The following SPINT2 variants were observed in gnomAD, a reference collection of about 807,000 sequenced individuals.
The protein encoded by SPINT2 is serine peptidase inhibitor, Kunitz type 2.
In SPINT2, 18 loss-of-function variants were observed where a neutral mutation model predicts 30.1. The observed-to-expected ratio is 0.60, with a 90% CI of 0.41 to 0.89. The LOEUF (loss-of-function observed/expected upper bound fraction) is 0.89, where lower values mean the gene tolerates loss of function less well. Among genes scored for constraint, SPINT2 ranks in the 40% least tolerant of loss-of-function variants. The probability of loss-of-function intolerance (pLI) is 0.00; values close to 1 mark genes in which losing one functional copy is unlikely to be tolerated. For synonymous variants in SPINT2, 139 were observed against 137.9 expected (o/e 1.01, Z -0.05); for missense variants, 276 against 334.3 (o/e 0.83, Z 1.36).
intron 3 of SPINT2, 53 bp from the exon 4 acceptor site, chr19:38,289,085 G>GCCTGTGT: frequency 6.4e-7 from 1 of 1,562,192 alleles, no homozygotes. Flanking sequence ...ACCCAGCTAG[G>GCCTGTGT]CCTGTGTCCT....
chr19:38,291,415 C>T (rs778421526), intron 6 of SPINT2: 10 of 173,366 alleles, frequency 5.8e-5, no homozygotes, highest in Non-Finnish European at 1.1e-4. Flanking sequence ...TGCAGGGCCA[C>T]GTCTTTCTCT....
Position 38,276,704 on chromosome 19 carries a change from A to G in SPINT2, c.107-6923A>G, listed in dbSNP as rs1330090747. ...AAAAACATGAATGAAATAAGACACC[A>G]AGTTCAAGGTGGTAGGGGGTTAATT... On this transcript the variant is annotated intron_variant, in intron 1 of 6. Coordinates refer to ENST00000301244, the MANE Select transcript of SPINT2 (RefSeq NM_021102.4). Among the ~76,000 whole-genome samples, 5 of 152,270 alleles carry G rather than the reference A, an allele frequency of 3.3e-5. No individual in the cohort carries two copies. In the East Asian group the frequency reaches 7.7e-4, roughly 24 times the overall value.
chr19:38,290,589 T>A lies in SPINT2; in HGVS notation c.592+14T>A, dbSNP rs1968705437. 1.2e-5 allele frequency: 19 copies of A among 1,613,410 alleles called. No individual in the cohort carries two copies. The highest frequency in any genetic ancestry group is 1.5e-5 in the Non-Finnish European group (18 of 1,179,810). ...TTGGCTCAAAGGGTAAGTGGCCCCT[T>A]ACCCTCCTCCTGCCATCAGCCTGCC... On this transcript the variant is annotated intron_variant, in intron 6 of 6. Coordinates refer to ENST00000301244, the MANE Select transcript of SPINT2 (RefSeq NM_021102.4). The surrounding 1 kb of genome is among the most constrained non-coding windows in gnomAD (Gnocchi z 4.3).
Position 38,290,642 on chromosome 19 carries a change from C to G in SPINT2, c.592+67C>G. ...CTCCCTTCCTTGACTGAGCTCAGCCCTGCCCAGCTGTGGTTTACATTATCC... is the reference window on the plus strand; with the variant it reads ...CTCCCTTCCTTGACTGAGCTCAGCCGTGCCCAGCTGTGGTTTACATTATCC... On this transcript the variant is annotated intron_variant, in intron 6 of 6. Coordinates refer to ENST00000301244, the MANE Select transcript of SPINT2 (RefSeq NM_021102.4). This position sits in a 1 kb window ranked among gnomAD's most constrained non-coding sequence, Gnocchi z 4.3. 1.9e-6 allele frequency: 3 copies of G among 1,572,408 alleles called. No individual in the cohort carries two copies. The highest frequency in any genetic ancestry group is 2.6e-6 in the Non-Finnish European group (3 of 1,153,820).
At chr19:38,280,809 T>C (rs1968572887) in intron 1 of SPINT2, among the ~76,000 whole-genome samples, 1 of 152,150 alleles carries the variant, frequency 6.6e-6, no homozygotes, top group Non-Finnish European at 1.5e-5. Context: ...CCTCAGGTTA[T>C]TGGTTTTTGT....
chr19:38,280,830 A>C (rs1425947715), intron 1 of SPINT2, among the ~76,000 whole-genome samples: 3 of 152,092 alleles, frequency 2.0e-5, no homozygotes, highest in African/African-American at 7.2e-5. Context: ...TTTGAGATGT[A>C]ATTCACATGC....
intron 1 of SPINT2, among the ~76,000 whole-genome samples, chr19:38,273,984 A>C (rs1305981309): frequency 6.6e-6 from 1 of 152,144 alleles, no homozygotes. Flanking sequence ...TAATCCCAGC[A>C]CTTCAGGAGG....
chr19:38,269,926 A>C (rs1444967829), intron 1 of SPINT2, among the ~76,000 whole-genome samples: 5 of 152,166 alleles, frequency 3.3e-5, no homozygotes, highest in Non-Finnish European at 5.9e-5. Context: ...GGATTTCAAC[A>C]TGTGGGCCAG....
intron 1 of SPINT2, among the ~76,000 whole-genome samples, chr19:38,275,446 T>G (rs986297306): frequency 2.0e-5 from 3 of 152,058 alleles, no homozygotes; most frequent in Non-Finnish European, 4.4e-5. Flanking sequence ...CGCCTCAGCC[T>G]CCCGAGTAGC....
chr19:38,291,892 C>G lies in SPINT2; in HGVS notation c.645C>G (p.Ala215=). ...FVMVLILFLG[A]SMVYLIRVAR... ...TGGTGTTGATCCTCTTCCTGGGAGCCTCCATGGTCTACCTGATCCGGGTGG... is the reference window on the plus strand; with the variant it reads ...TGGTGTTGATCCTCTTCCTGGGAGCGTCCATGGTCTACCTGATCCGGGTGG... The change falls in exon 7 of 7, where the codon GCC becomes GCG. Residue 215 remains alanine, a synonymous_variant. Coordinates refer to ENST00000301244, the MANE Select transcript of SPINT2 (RefSeq NM_021102.4). 1 of 1,613,884 alleles carries G rather than the reference C, an allele frequency of 6.2e-7. No individual in the cohort carries two copies. The highest frequency in any genetic ancestry group is 8.5e-7 in the Non-Finnish European group (1 of 1,179,998).
At position 38,290,382 on chromosome 19, in the gene SPINT2, C is replaced by T; in HGVS notation, c.553+102C>T. On this transcript the variant is annotated intron_variant, in intron 5 of 6. Transcript: ENST00000301244. This position sits in a 1 kb window ranked among gnomAD's most constrained non-coding sequence, Gnocchi z 4.3. The stretch of plus-strand genomic sequence containing the variant: ...AGGCCTTGGAAATGCTGTTCTTGGG[C>T]CCACCAGGGCAGCAAGGCCTCTAAG... The T allele has an allele frequency of 6.3e-7, 1 of 1,575,254 alleles. No homozygotes were observed. The highest frequency in any genetic ancestry group is 1.1e-5 in the South Asian group (1 of 87,686).
intron 1 of SPINT2, among the ~76,000 whole-genome samples, chr19:38,271,477 G>A (rs1429274654): frequency 1.3e-5 from 2 of 150,262 alleles, no homozygotes; most frequent in East Asian, 3.9e-4. Context: ...GGGCAACAGA[G>A]CAAGACTCTC....
intron 6 of SPINT2, chr19:38,291,604 G>A (rs970869343): frequency 1.5e-5 from 8 of 545,228 alleles, no homozygotes; most frequent in Admixed American, 3.2e-5. Context: ...CTGGCGACAC[G>A]GCCACTCTGC....
chr19:38,288,944 A>G lies in SPINT2; in HGVS notation c.338-194A>G, dbSNP rs1189671531. 5.0e-6 allele frequency: 3 copies of G among 597,324 alleles called. No homozygotes were observed. In the East Asian group the frequency reaches 8.5e-5, roughly 17 times the overall value. 37.0% of individuals were successfully genotyped at this position (597,324 alleles called of 1,614,324 possible). A position where few individuals can be genotyped will look rare whatever the true frequency, so the allele number is the denominator to read the frequency against. On this transcript the variant is annotated intron_variant, in intron 3 of 6. Transcript: ENST00000301244. ...CCTGAGGTGGCGGCAGGGCCACCAC[A>G]TCCAGCACTCTCAGTGTGTGCGTAG...
Position 38,264,920 on chromosome 19 carries a change from A to C in SPINT2, c.28A>C (p.Ser10Arg). The stretch of plus-strand genomic sequence containing the variant: ...GGCGCAGCTGTGCGGGCTGAGGCGG[A>C]GCCGGGCGTTTCTCGCCCTGCTGGG... MAQLCGLRR[S>R]RAFLALLGSL... is the part of the protein sequence containing the mutation. Residue 10 changes from serine to arginine, a missense_variant, in exon 1 of 7, where the codon AGC becomes CGC. Transcript: ENST00000301244. 5 of 1,534,850 alleles carry C rather than the reference A, an allele frequency of 3.3e-6. No homozygotes were observed. Among genetic ancestry groups the C allele is most frequent in the Non-Finnish European group, 4.4e-6 (5 of 1,145,540 alleles).
At chr19:38,288,791 C>G (rs1431725465) in intron 3 of SPINT2, 5 of 308,066 alleles carry the variant, frequency 1.6e-5, no homozygotes, top group African/African-American at 8.6e-5. Flanking sequence ...GCTAGCCCCC[C>G]CACACACCAG....
At chr19:38,289,981 G>A in intron 4 of SPINT2, 138 bp from the exon 5 acceptor site, 1 of 957,670 alleles carries the variant, frequency 1.0e-6, no homozygotes, top group Non-Finnish European at 1.6e-6. Context: ...CTGGTCTTGG[G>A]TGTAATTTAC....
At chr19:38,274,421 A>G (rs571003915) in intron 1 of SPINT2, among the ~76,000 whole-genome samples, 39 of 152,060 alleles carry the variant, frequency 2.6e-4, no homozygotes, top group African/African-American at 9.2e-4. Flanking sequence ...GGGGATTTTT[A>G]TAGCAAATAA....
Position 38,264,615 on chromosome 19 carries a change from C to T in SPINT2, c.-278C>T. On this transcript the variant is annotated 5_prime_UTR_variant, in exon 1 of 7. Transcript: ENST00000301244. ...CCTCCGCGCGTTGGGAGGTGTAGCG[C>T]GGCTCTGAACGCGCTGAGGGCCGTT... 1 of 441,590 alleles carries T rather than the reference C, an allele frequency of 2.3e-6. No homozygotes were observed. Among genetic ancestry groups the T allele is most frequent in the South Asian group, 2.6e-5 (1 of 38,512 alleles). The allele number at this position is 441,590 out of a possible 1,614,324, so 27.4% of individuals were successfully genotyped here. A position where few individuals can be genotyped will look rare whatever the true frequency, so the allele number is the denominator to read the frequency against.
Sources: gnomAD v4.1 joint callset for allele counts (sites outside exome capture counted in the v4.1 genomes callset) on GRCh38, gnomAD v4.1.1 for gene constraint, Gnocchi (gnomAD v3.1) non-coding constraint, MANE v1.5 for transcripts, NCBI Gene and HGNC (gene_info 2026-07-23, HGNC 2026-07-21) for gene names.